The following PRDM16 variants were observed in gnomAD, a reference collection of about 807,000 sequenced individuals.
PRDM16 encodes histone-lysine N-methyltransferase PRDM16.
A neutral mutation model predicts 110.6 loss-of-function variants in PRDM16; 23 were observed. The observed-to-expected ratio is 0.21, with a 90% CI of 0.15 to 0.29. The LOEUF (loss-of-function observed/expected upper bound fraction) is 0.29, where lower values mean the gene tolerates loss of function less well. Ranked by LOEUF, PRDM16 falls within the 10% of genes least tolerant of loss-of-function variation. PRDM16 has a pLI of 1.00. For synonymous variants in PRDM16, 799 were observed against 781.8 expected, an observed-to-expected ratio of 1.02 and a Z score of -0.37; for missense variants, 1,615 against 1,794.3, an observed-to-expected ratio of 0.90 and a Z score of 1.81.
At position 3,148,718 on chromosome 1, in the gene PRDM16, G is replaced by T. The variant is rs1171660336; in HGVS notation, c.38-37407G>T. ...CAGAGCAGCGGCCCAAAGCCAAAGG[G>T]TGGTGAATCTGGGCACTGCCTGGGA... On this transcript the variant is annotated intron_variant, in intron 1 of 16. Coordinates refer to ENST00000270722, the MANE Select transcript of PRDM16 (RefSeq NM_022114.4). The surrounding 1 kb of genome is among the most constrained non-coding windows in gnomAD (Gnocchi z 5.0). 6.6e-6 allele frequency among the ~76,000 whole-genome samples: 1 copy of T among 152,216 alleles called. No individual in the cohort carries two copies. The highest frequency in any genetic ancestry group is 1.5e-5 in the Non-Finnish European group (1 of 68,042).
At chr1:3,348,756 G>A (rs917316736) in intron 3 of PRDM16, among the ~76,000 whole-genome samples, 1 of 152,216 alleles carries the variant, frequency 6.6e-6, no homozygotes, top group Admixed American at 6.5e-5. Context: ...TGGGGACCGG[G>A]GCCGCAGTGA....
At chr1:3,142,040 G>T (rs575894159) in intron 1 of PRDM16, among the ~76,000 whole-genome samples, 6 of 152,250 alleles carry the variant, frequency 3.9e-5, no homozygotes, top group African/African-American at 1.4e-4. Context: ...ACTCTGGCCC[G>T]TGCCAAGCAC....
At chr1:3,238,370 A>G (rs1350904471) in intron 2 of PRDM16, among the ~76,000 whole-genome samples, 1 of 152,174 alleles carries the variant, frequency 6.6e-6, no homozygotes, top group Non-Finnish European at 1.5e-5. Context: ...TCTTAGGAGT[A>G]AAGAGAGAGC....
At chr1:3,085,431 G>GC (rs1642127325) in intron 1 of PRDM16, among the ~76,000 whole-genome samples, 1 of 152,170 alleles carries the variant, frequency 6.6e-6, no homozygotes, top group African/African-American at 2.4e-5. Context: ...GGGCAGCAGG[G>GC]CCCCCCAGGG....
At chr1:3,297,833 C>T (rs979468775) in intron 3 of PRDM16, among the ~76,000 whole-genome samples, 2 of 149,802 alleles carry the variant, frequency 1.3e-5, no homozygotes, top group Non-Finnish European at 2.9e-5. Flanking sequence ...TCCCACATTC[C>T]AGGAGTAAAA....
intron 3 of PRDM16, among the ~76,000 whole-genome samples, chr1:3,349,611 G>A (rs556184828): frequency 6.4e-4 from 97 of 152,336 alleles, no homozygotes; most frequent in African/African-American, 2.1e-3. Context: ...TGGCAAGGGT[G>A]GCGGAGGAGC....
intron 3 of PRDM16, among the ~76,000 whole-genome samples, chr1:3,273,064 G>T (rs1180927968): frequency 6.6e-6 from 1 of 152,220 alleles, no homozygotes; most frequent in Non-Finnish European, 1.5e-5. Flanking sequence ...GAGGATGTGC[G>T]TTCAGAACCA....
rs145231785 is a variant in PRDM16 at position 3,341,097 on chromosome 1, C to T, written c.439-44055C>T. Among the ~76,000 whole-genome samples the T allele has an allele frequency of 1.4e-3, 216 of 152,150 alleles. 1 individual carries two copies. Among genetic ancestry groups the T allele is most frequent in the African/African-American group, 4.3e-3 (178 of 41,508 alleles). ...CCTCGTTTCTCCCCCTCTGAGCCCT[C>T]GTTTCTCCCCCTCTGAGCCCTCGTT... On this transcript the variant is annotated intron_variant, in intron 3 of 16. Transcript: ENST00000270722.
In PRDM16 at chr1:3,328,935, C is replaced by A. The variant is rs940842729; in HGVS notation, c.439-56217C>A. Among the ~76,000 whole-genome samples, 9 of 152,268 alleles carry A rather than the reference C, an allele frequency of 5.9e-5. No individual in the cohort carries two copies. The South Asian group carries it at 1.9e-3, about 32-fold the overall frequency. On this transcript the variant is annotated intron_variant, in intron 3 of 16. Transcript: ENST00000270722. ...AAGCCCAGCATCCACAGGGGCCTGC[C>A]GGGGGAGGGCACCAATGCTGGCGGG...
chr1:3,215,497 G>A (rs1639003563), intron 2 of PRDM16, among the ~76,000 whole-genome samples: 1 of 151,222 alleles, frequency 6.6e-6, no homozygotes, highest in African/African-American at 2.5e-5. Flanking sequence ...TGTGTGGGGT[G>A]GAAAAGAGTG....
At chr1:3,413,118 C>T (rs1643721607) in intron 9 of PRDM16, among the ~76,000 whole-genome samples, 1 of 151,960 alleles carries the variant, frequency 6.6e-6, no homozygotes. Context: ...CTCCTATCCC[C>T]AGTAACCCCA....
intron 10 of PRDM16, among the ~76,000 whole-genome samples, chr1:3,415,738 C>T (rs1163287138): frequency 6.6e-6 from 1 of 152,256 alleles, no homozygotes; most frequent in African/African-American, 2.4e-5. Flanking sequence ...CCCGCTGCCC[C>T]CACGGGCCTG....
intron 3 of PRDM16, among the ~76,000 whole-genome samples, chr1:3,282,545 T>A (rs1273976405): frequency 6.6e-6 from 1 of 152,098 alleles, no homozygotes; most frequent in Non-Finnish European, 1.5e-5. Context: ...TGCACACCTC[T>A]CACCACGATT....
intron 1 of PRDM16, among the ~76,000 whole-genome samples, chr1:3,133,863 C>T (rs867903050): frequency 3.5e-4 from 54 of 152,194 alleles, no homozygotes; most frequent in African/African-American, 1.1e-3. Flanking sequence ...TCAGTTCCTC[C>T]CTTCCCCCAG....
At chr1:3,113,755 G>A (rs955732881) in intron 1 of PRDM16, among the ~76,000 whole-genome samples, 9 of 152,184 alleles carry the variant, frequency 5.9e-5, no homozygotes, top group East Asian at 1.9e-4. Context: ...CAGAACCCCC[G>A]TCTGGGGGCC....
intron 1 of PRDM16, among the ~76,000 whole-genome samples, chr1:3,097,565 C>T (rs1642433836): frequency 6.6e-6 from 1 of 152,172 alleles, no homozygotes; most frequent in Admixed American, 6.5e-5. Context: ...AATTCTTCTC[C>T]ACTCGCACCT....
intron 3 of PRDM16, among the ~76,000 whole-genome samples, chr1:3,367,340 G>C (rs76015181): frequency 0.03 from 4,517 of 152,296 alleles, 208 homozygotes; most frequent in African/African-American, 0.1. Context: ...AACTGCCATG[G>C]GGAGGTCTCT....
At chr1:3,329,493 G>T (rs1431299058) in intron 3 of PRDM16, among the ~76,000 whole-genome samples, 3 of 152,198 alleles carry the variant, frequency 2.0e-5, no homozygotes, top group Non-Finnish European at 4.4e-5. Flanking sequence ...GGGCCGAGGG[G>T]TTTGCAGCAA....
In PRDM16 at chr1:3,358,412, C is replaced by T. The variant is rs923897149; in HGVS notation, c.439-26740C>T. ...CATGGGGACTGATGGCAAAAGACCT[C>T]GGCGGGTACAGAAAATCTCCCACAG... On this transcript the variant is annotated intron_variant, in intron 3 of 16. Transcript: ENST00000270722. The surrounding 1 kb of genome is among the most constrained non-coding windows in gnomAD (Gnocchi z 4.0). Among the ~76,000 whole-genome samples the T allele has an allele frequency of 1.3e-5, 2 of 152,168 alleles. No individual in the cohort carries two copies. The highest frequency in any genetic ancestry group is 2.4e-5 in the African/African-American group (1 of 41,442).
Sources: allele counts gnomAD v4.1 joint callset (sites outside exome capture counted in the v4.1 genomes callset), GRCh38; gene constraint gnomAD v4.1.1; non-coding constraint Gnocchi (gnomAD v3.1); transcripts MANE v1.5; gene names NCBI Gene and HGNC (gene_info 2026-07-23, HGNC 2026-07-21).